The following GTF2IRD2B variants were observed in gnomAD, a reference collection of about 807,000 sequenced individuals.
GTF2IRD2B encodes the protein GTF2I repeat domain containing 2B.
GTF2IRD2B carries 10 observed loss-of-function variants against 55.6 expected under a neutral mutation model. The ratio of observed to expected loss-of-function variants is 0.18; its 90% confidence interval spans 0.11 to 0.31. The LOEUF is 0.31. Among genes scored for constraint, GTF2IRD2B ranks in the 10% least tolerant of loss-of-function variants. The pLI, the probability that GTF2IRD2B is intolerant of heterozygous loss-of-function variation, is 1.00. For synonymous variants in GTF2IRD2B, 107 were observed against 320.5 expected, an observed-to-expected ratio of 0.33 and a Z score of 7.12; for missense variants, 206 against 802.7, an observed-to-expected ratio of 0.26 and a Z score of 8.98.
Position 75,123,842 on chromosome 7 carries a change from C to T in GTF2IRD2B, c.571+326C>T, listed in dbSNP as rs1319109263. 50 of 374,496 alleles carry T rather than the reference C, an allele frequency of 1.3e-4. 1 individual carries two copies. Among genetic ancestry groups the T allele is most frequent in the South Asian group, 1.1e-4 (5 of 46,848 alleles). The allele number at this position is 374,496 out of a possible 1,614,324, so 23.2% of individuals were successfully genotyped here. A position where few individuals can be genotyped will look rare whatever the true frequency, so the allele number is the denominator to read the frequency against. On this transcript the variant is annotated intron_variant, in intron 6 of 15. Coordinates refer to ENST00000472837, the MANE Select transcript of GTF2IRD2B (RefSeq NM_001003795.3). ...GCAGTGAGCGGAGATCGCGCCACTG[C>T]ACTCCAGCCTGGGCGACTGAGCAAG...
intron 1 of GTF2IRD2B, among the ~76,000 whole-genome samples, chr7:75,102,280 C>T (rs1440605836): frequency 6.6e-6 from 1 of 150,508 alleles, no homozygotes; most frequent in African/African-American, 2.4e-5. Context: ...GGATTACAGG[C>T]GTGAGCCACT....
At chr7:75,130,158 T>C (rs1554535349) in intron 8 of GTF2IRD2B, among the ~76,000 whole-genome samples, 1 of 106,136 alleles carries the variant, frequency 9.4e-6, no homozygotes, top group East Asian at 2.8e-4. Flanking sequence ...TCCTTCTTTC[T>C]TTCTTTCCTT....
At chr7:75,116,897 C>G (rs1311730015) in intron 3 of GTF2IRD2B, among the ~76,000 whole-genome samples, 1 of 151,264 alleles carries the variant, frequency 6.6e-6, no homozygotes, top group Non-Finnish European at 1.5e-5. Context: ...TGCCTGCCTC[C>G]GCCTCCCAAA....
rs1554532763 is a variant in GTF2IRD2B, at chr7:75,148,292, C to T, written c.1845C>T (p.Ser615=). 1.2e-6 allele frequency: 2 copies of T among 1,613,578 alleles called. No individual in the cohort carries two copies. The highest frequency in any genetic ancestry group is 1.3e-5 in the African/African-American group (1 of 74,906). The change falls in exon 16 of 16, where the codon AGC becomes AGT. Residue 615 remains serine (S), a synonymous_variant. Transcript: ENST00000472837. ...GTATCAACTGGTCGAGATTAGTAAG[C>T]GTGGCCTCCACTGGCACCCCAGCGA... ...KFCINWSRLV[S]VASTGTPAMV...
At chr7:75,102,243 C>T (rs1554421911) in intron 1 of GTF2IRD2B, among the ~76,000 whole-genome samples, 18 of 151,332 alleles carry the variant, frequency 1.2e-4, no homozygotes, top group Admixed American at 2.6e-4. Context: ...CCTTGTGATC[C>T]GTCCGCCTCG....
chr7:75,117,638 C>T (rs1226024605), intron 3 of GTF2IRD2B, among the ~76,000 whole-genome samples: 6 of 152,304 alleles, frequency 3.9e-5, no homozygotes, highest in Non-Finnish European at 8.8e-5. Flanking sequence ...CATATGTAAT[C>T]CCAGCACTTT....
intron 8 of GTF2IRD2B, among the ~76,000 whole-genome samples, chr7:75,127,468 C>G (rs1443556914): frequency 6.0e-5 from 2 of 33,220 alleles, no homozygotes; most frequent in African/African-American, 2.1e-4. Context: ...GACGTTGTCT[C>G]AAAAAAAAAA....
At chr7:75,147,412 G>A (rs1554454415) in intron 15 of GTF2IRD2B, among the ~76,000 whole-genome samples, 2 of 152,048 alleles carry the variant, frequency 1.3e-5, no homozygotes, top group East Asian at 1.9e-4. Flanking sequence ...CAGCCTGGGC[G>A]ACAGAGCAAA....
At chr7:75,107,074 A>G (rs1429073518) in intron 1 of GTF2IRD2B, among the ~76,000 whole-genome samples, 4,393 of 151,408 alleles carry the variant, frequency 0.029, 55 homozygotes, top group African/African-American at 0.059. Context: ...TATCCTTTCT[A>G]TGTGTAAGTG....
chr7:75,147,158 T>C (rs1563101741), intron 15 of GTF2IRD2B, among the ~76,000 whole-genome samples: 1 of 151,406 alleles, frequency 6.6e-6, no homozygotes, highest in South Asian at 2.1e-4. Flanking sequence ...TCTGGCTGGG[T>C]GCAGTGGCTC....
Position 75,093,247 on chromosome 7 carries a change from C to CT in GTF2IRD2B, c.-6+482_-6+483insT, listed in dbSNP as rs1554448719. Among the ~76,000 whole-genome samples, 294 of 151,654 alleles carry CT rather than the reference C, an allele frequency of 1.9e-3. No individual in the cohort carries two copies. The Middle Eastern group carries it at 0.034, about 18-fold the overall frequency. Reference sequence around the variant, plus strand: ...TCCGTGGGTATGGTCCTCGCGACGGCCTCCGGGGATCTGTTTGTTGGCGGA... The same window carrying CT: ...TCCGTGGGTATGGTCCTCGCGACGGCTCTCCGGGGATCTGTTTGTTGGCGGA... On this transcript the variant is annotated intron_variant, in intron 1 of 15. Coordinates refer to ENST00000472837, the MANE Select transcript of GTF2IRD2B (RefSeq NM_001003795.3).
At chr7:75,108,450 A>G (rs1284585501) in intron 1 of GTF2IRD2B, among the ~76,000 whole-genome samples, 5 of 16,144 alleles carry the variant, frequency 3.1e-4, no homozygotes, top group African/African-American at 5.2e-4. Flanking sequence ...TCTCAAAAAA[A>G]AAAGAAAGAA....
chr7:75,115,462 C>T (rs1324179522), intron 3 of GTF2IRD2B, among the ~76,000 whole-genome samples: 3 of 146,302 alleles, frequency 2.1e-5, no homozygotes, highest in Non-Finnish European at 3.0e-5. Flanking sequence ...CTCGCTCTAT[C>T]GCCCAGGCTG....
chr7:75,127,338 G>A (rs1808553501), intron 8 of GTF2IRD2B, among the ~76,000 whole-genome samples: 1 of 150,626 alleles, frequency 6.6e-6, no homozygotes, highest in Non-Finnish European at 1.5e-5. Context: ...AAATGGTGGT[G>A]CATGCCTGTG....
chr7:75,137,230 A>T (rs1808869861), intron 11 of GTF2IRD2B, among the ~76,000 whole-genome samples: 1 of 151,196 alleles, frequency 6.6e-6, no homozygotes, highest in African/African-American at 2.4e-5. Flanking sequence ...ATTGTGGGGA[A>T]GAGATTGAAA....
intron 8 of GTF2IRD2B, among the ~76,000 whole-genome samples, chr7:75,132,124 T>A (rs372847259): frequency 6.5e-3 from 899 of 137,726 alleles, no homozygotes; most frequent in Middle Eastern, 0.027. Flanking sequence ...TCCCAGCACT[T>A]TGAGAGACCA....
intron 1 of GTF2IRD2B, among the ~76,000 whole-genome samples, chr7:75,104,599 A>G (rs1428282306): frequency 6.6e-6 from 1 of 152,382 alleles, no homozygotes; most frequent in African/African-American, 2.4e-5. Flanking sequence ...GGGATGCTAA[A>G]GACAAAATAA....
Position 75,149,656 on chromosome 7 carries a change from G to A in GTF2IRD2B, c.*359G>A, listed in dbSNP as rs376877244. 0.047 allele frequency: 13,499 copies of A among 285,914 alleles called. 281 individuals carry two copies. Among genetic ancestry groups the A allele is most frequent in the Non-Finnish European group, 0.059 (8,538 of 145,852 alleles). The allele number at this position is 285,914 out of a possible 1,614,324, so 17.7% of individuals were successfully genotyped here. A position where few individuals can be genotyped will look rare whatever the true frequency, so the allele number is the denominator to read the frequency against. ...ACCTCACAAAGTGCTGGGATTACAGGCATGAACCACTGTGCCCAGCTGACA... is the reference window on the plus strand; with the variant it reads ...ACCTCACAAAGTGCTGGGATTACAGACATGAACCACTGTGCCCAGCTGACA... On this transcript the variant is annotated 3_prime_UTR_variant, in exon 16 of 16. Transcript: ENST00000472837.
At chr7:75,124,044 T>TA (rs1386250788) in intron 6 of GTF2IRD2B, among the ~76,000 whole-genome samples, 3 of 150,764 alleles carry the variant, frequency 2.0e-5, no homozygotes, top group Non-Finnish European at 4.4e-5. Flanking sequence ...GAATATTTTT[T>TA]AAAAAAAGAA....
Sources: gnomAD v4.1 joint callset for allele counts (sites outside exome capture counted in the v4.1 genomes callset) on GRCh38, gnomAD v4.1.1 for gene constraint, MANE v1.5 for transcripts, NCBI Gene and HGNC (gene_info 2026-07-23, HGNC 2026-07-21) for gene names.